Variants in NCKAP5 observed in about 807,000 individuals in gnomAD.
The protein encoded by NCKAP5 is NCK associated protein 5, also known as nck-associated protein 5.
In NCKAP5, 92 loss-of-function variants were observed where a neutral mutation model predicts 167.0. The observed-to-expected ratio is 0.55, with a 90% CI of 0.47 to 0.66. NCKAP5 has a LOEUF of 0.66. Among genes scored for constraint, NCKAP5 ranks in the 30% least tolerant of loss-of-function variants. The pLI, the probability that NCKAP5 is intolerant of heterozygous loss-of-function variation, is 0.00. For missense variants in NCKAP5, 2,378 were observed against 2,315.0 expected, an observed-to-expected ratio of 1.03 and a Z score of -0.56; for synonymous variants, 891 against 877.4, an observed-to-expected ratio of 1.02 and a Z score of -0.27.
At position 132,920,659 on chromosome 2, in the gene NCKAP5, T is replaced by TTATATATATATATA. The variant is rs371454572; in HGVS notation, c.580-41757_580-41744dup. On this transcript the variant is annotated intron_variant, in intron 8 of 19. Transcript: ENST00000409261. Reference sequence around the variant, plus strand: ...AGAGCTTATATATATATGGAAGAACTTATATATATATATATATATAAGTTA... The same window carrying TTATATATATATATA: ...AGAGCTTATATATATATGGAAGAACTTATATATATATATATATATATATATATATATATAAGTTA... Among the ~76,000 whole-genome samples, 28 of 81,998 alleles carry TTATATATATATATA rather than the reference T, an allele frequency of 3.4e-4. 1 individual carries two copies. The highest frequency in any genetic ancestry group is 1.5e-3 in the African/African-American group (26 of 17,094). 53.8% of individuals were successfully genotyped at this position (81,998 alleles called of 152,430 possible).
intron 5 of NCKAP5, among the ~76,000 whole-genome samples, chr2:133,170,178 C>A (rs755397808): frequency 2.3e-4 from 35 of 152,154 alleles, no homozygotes; most frequent in African/African-American, 7.0e-4. Context: ...TGTTTAATTT[C>A]ATTGCCTTTG....
chr2:133,658,797 A>T, the NCKAP5 span, among the ~76,000 whole-genome samples: 1 of 152,014 alleles, frequency 6.6e-6, no homozygotes, highest in Non-Finnish European at 1.5e-5. Context: ...CTGGTTCCCC[A>T]ATATCCTGCT....
intron 2 of NCKAP5, among the ~76,000 whole-genome samples, chr2:133,550,384 A>T (rs1229983708): frequency 2.0e-5 from 3 of 151,768 alleles, no homozygotes; most frequent in African/African-American, 7.2e-5. Context: ...CAGCACATCA[A>T]AAAGCTTATC....
At chr2:132,766,134 G>A (rs1027889804) in intron 16 of NCKAP5, among the ~76,000 whole-genome samples, 1 of 151,894 alleles carries the variant, frequency 6.6e-6, no homozygotes, top group Non-Finnish European at 1.5e-5. Context: ...ATAAAAATTA[G>A]CTGGGCATGG....
chr2:133,076,162 C>A (rs1050944218), intron 6 of NCKAP5, among the ~76,000 whole-genome samples: 1 of 152,114 alleles, frequency 6.6e-6, no homozygotes, highest in African/African-American at 2.4e-5. Flanking sequence ...TTTGTGCATG[C>A]AAATTTAAAA....
intron 4 of NCKAP5, among the ~76,000 whole-genome samples, chr2:133,270,397 G>A (rs1008616721): frequency 4.6e-4 from 70 of 152,178 alleles, no homozygotes; most frequent in African/African-American, 1.7e-3. Flanking sequence ...AGCAGCTTCG[G>A]AAGTATCACC....
chr2:132,973,786 T>C (rs144810898), intron 7 of NCKAP5, among the ~76,000 whole-genome samples: 125 of 152,136 alleles, frequency 8.2e-4, no homozygotes, highest in African/African-American at 2.8e-3. Flanking sequence ...TGTACTTTTC[T>C]TGGGCCCTAA....
At chr2:133,390,238 C>T (rs936750351) in intron 3 of NCKAP5, among the ~76,000 whole-genome samples, 1 of 152,174 alleles carries the variant, frequency 6.6e-6, no homozygotes, top group Non-Finnish European at 1.5e-5. Context: ...CCCTTCAGGC[C>T]CTAAGACAAG....
chr2:133,396,257 G>A (rs1687724159), intron 3 of NCKAP5, among the ~76,000 whole-genome samples: 1 of 152,038 alleles, frequency 6.6e-6, no homozygotes, highest in Non-Finnish European at 1.5e-5. Flanking sequence ...GTAAGCATAA[G>A]CATAAATCTC....
intron 2 of NCKAP5, among the ~76,000 whole-genome samples, chr2:133,546,788 A>G (rs1686721972): frequency 6.6e-6 from 1 of 152,214 alleles, no homozygotes; most frequent in Non-Finnish European, 1.5e-5. Context: ...AACCCTATCT[A>G]GGCATTCTGC....
chr2:133,574,728 C>CT, the NCKAP5 span, among the ~76,000 whole-genome samples: 1 of 150,842 alleles, frequency 6.6e-6, no homozygotes, highest in Non-Finnish European at 1.5e-5. Flanking sequence ...GGCAAATATG[C>CT]TTCAAGGGCC....
At chr2:133,202,146 C>T (rs1004818423) in intron 5 of NCKAP5, among the ~76,000 whole-genome samples, 20 of 152,120 alleles carry the variant, frequency 1.3e-4, no homozygotes, top group Non-Finnish European at 2.2e-4. Flanking sequence ...TACTACAAGG[C>T]TACAGTAACC....
At chr2:132,982,279 C>T (rs1253968216) in intron 7 of NCKAP5, among the ~76,000 whole-genome samples, 1 of 152,160 alleles carries the variant, frequency 6.6e-6, no homozygotes, top group East Asian at 1.9e-4. Context: ...TCCCTTTAGC[C>T]TCACTATACC....
chr2:132,878,634 ACACACACACACACACACACACG>A (rs879228146), intron 9 of NCKAP5, among the ~76,000 whole-genome samples, 192 bp downstream of exon 9: 80 of 125,074 alleles, frequency 6.4e-4, no homozygotes, highest in Middle Eastern at 4.3e-3. Flanking sequence ...ACACACACAC[ACACACACACACACACACACACG>A]CACGCATACA....
chr2:132,771,084 C>T (rs906003263), intron 16 of NCKAP5, among the ~76,000 whole-genome samples: 1 of 131,208 alleles, frequency 7.6e-6, no homozygotes, highest in Admixed American at 8.1e-5. Flanking sequence ...TGTACCCCTT[C>T]CATTTAATAA....
intron 3 of NCKAP5, among the ~76,000 whole-genome samples, chr2:133,364,184 C>T (rs920468576): frequency 2.1e-4 from 32 of 152,110 alleles, no homozygotes; most frequent in African/African-American, 6.5e-4. Flanking sequence ...TGGTAAGTGG[C>T]AGAGCTGGAA....
At chr2:132,686,567 T>C (rs962866863) in intron 19 of NCKAP5, among the ~76,000 whole-genome samples, 1 of 152,230 alleles carries the variant, frequency 6.6e-6, no homozygotes, top group African/African-American at 2.4e-5. Flanking sequence ...ACACCTGGCA[T>C]ATAGGTGGTC....
At chr2:133,489,896 G>C (rs187886854) in intron 3 of NCKAP5, among the ~76,000 whole-genome samples, 4 of 152,120 alleles carry the variant, frequency 2.6e-5, no homozygotes, top group Non-Finnish European at 5.9e-5. Flanking sequence ...TAGAAACTGT[G>C]ATAACCAACT....
At chr2:132,833,861 T>G (rs1687694211) in intron 11 of NCKAP5, among the ~76,000 whole-genome samples, 1 of 152,328 alleles carries the variant, frequency 6.6e-6, no homozygotes, top group Non-Finnish European at 1.5e-5. Flanking sequence ...TCATTCCATA[T>G]GAATGTTAGG....
Sources: gnomAD v4.1 joint callset for allele counts (sites outside exome capture counted in the v4.1 genomes callset) on GRCh38, gnomAD v4.1.1 for gene constraint, MANE v1.5 for transcripts, NCBI Gene and HGNC (gene_info 2026-07-23, HGNC 2026-07-21) for gene names.